Variants in ADAM12 observed in about 807,000 individuals in gnomAD.
ADAM12 encodes the protein disintegrin and metalloproteinase domain-containing protein 12.
In ADAM12, 70 loss-of-function variants were observed where a neutral mutation model predicts 106.4. That is an observed-to-expected ratio of 0.66 (90% CI 0.54 to 0.80). The LOEUF (loss-of-function observed/expected upper bound fraction) is 0.80, where lower values mean the gene tolerates loss of function less well. Ranked by LOEUF, ADAM12 falls within the 30% of genes least tolerant of loss-of-function variation. The probability of loss-of-function intolerance (pLI) is 0.00; values close to 1 mark genes in which losing one functional copy is unlikely to be tolerated. For synonymous variants in ADAM12, 420 were observed against 433.5 expected (o/e 0.97, Z 0.39); for missense variants, 1,010 against 1,171.9 (o/e 0.86, Z 2.02).
chr10:126,304,538 C>T lies in ADAM12; in HGVS notation c.187-25550G>A, dbSNP rs183354796. ...AGCAAGAAACCCACTATAAGTATAA[C>T]AATGCATATAGATTAAAACTGAAAG... On this transcript the variant is annotated intron_variant, in intron 2 of 22. Transcript: ENST00000448723. Among the ~76,000 whole-genome samples the T allele has an allele frequency of 1.6e-3, 244 of 152,054 alleles. 3 individuals carry two copies. The highest frequency in any genetic ancestry group is 5.7e-3 in the African/African-American group (236 of 41,492).
chr10:126,187,121 C>T (rs1420435187), intron 3 of ADAM12, among the ~76,000 whole-genome samples: 2 of 152,080 alleles, frequency 1.3e-5, no homozygotes, highest in African/African-American at 2.4e-5. Flanking sequence ...TTCATTCCAA[C>T]GTTTAGGTGC....
At chr10:126,156,784 G>C (rs1005534157) in intron 3 of ADAM12, among the ~76,000 whole-genome samples, 2 of 152,234 alleles carry the variant, frequency 1.3e-5, no homozygotes, top group African/African-American at 4.8e-5. Flanking sequence ...GGTGGAAGGA[G>C]AGGGGAAATC....
intron 3 of ADAM12, among the ~76,000 whole-genome samples, chr10:126,247,138 G>T (rs1021818815): frequency 5.9e-5 from 9 of 152,112 alleles, no homozygotes; most frequent in African/African-American, 2.2e-4. Flanking sequence ...ATCTGAGAGT[G>T]GTTTCTAAGA....
chr10:126,115,847 C>T (rs1955971787), intron 6 of ADAM12, among the ~76,000 whole-genome samples: 1 of 152,128 alleles, frequency 6.6e-6, no homozygotes, highest in African/African-American at 2.4e-5. Flanking sequence ...AAACAATCTA[C>T]TATATAATTC....
chr10:126,363,331 A>T (rs1177583843), intron 1 of ADAM12, among the ~76,000 whole-genome samples: 1 of 152,198 alleles, frequency 6.6e-6, no homozygotes, highest in Non-Finnish European at 1.5e-5. Flanking sequence ...AGTTTTTTAA[A>T]GCCCCAATGT....
rs1274915073 is a variant in ADAM12, at chr10:126,197,490, T to A, written c.261-42185A>T. 2.0e-5 allele frequency among the ~76,000 whole-genome samples: 3 copies of A among 152,162 alleles called. No individual in the cohort carries two copies. In the East Asian group the frequency reaches 5.8e-4, roughly 29 times the overall value. On this transcript the variant is annotated intron_variant, in intron 3 of 22. Coordinates refer to ENST00000448723, the MANE Select transcript of ADAM12 (RefSeq NM_001288973.2). ...GTGACCCTGTGGGAGAGGACAGTCG[T>A]GTGCTTCCCTCCTGGGGTTGCAGAG... is the stretch of plus-strand genomic sequence containing the variant.
chr10:126,136,638 A>G (rs575148068), intron 4 of ADAM12, among the ~76,000 whole-genome samples: 2 of 152,286 alleles, frequency 1.3e-5, no homozygotes, highest in East Asian at 3.9e-4. Context: ...TCTGCCCAAC[A>G]AAACCCACCT....
chr10:126,070,447 C>T (rs945966732), intron 12 of ADAM12: 1 of 152,212 alleles, frequency 6.6e-6, no homozygotes, highest in African/African-American at 2.4e-5. Flanking sequence ...GTATGGAAAA[C>T]CTCAGAGACT....
intron 2 of ADAM12, among the ~76,000 whole-genome samples, chr10:126,318,276 T>C (rs1853958272): frequency 6.6e-6 from 1 of 151,506 alleles, no homozygotes; most frequent in South Asian, 2.1e-4. Flanking sequence ...CCATACACTT[T>C]CACACACTCA....
At chr10:126,094,547 T>C (rs985148928) in intron 10 of ADAM12, among the ~76,000 whole-genome samples, 3 of 152,186 alleles carry the variant, frequency 2.0e-5, no homozygotes, top group African/African-American at 4.8e-5. Context: ...ATTGAGATGA[T>C]GCTGATATAA....
chr10:126,115,419 G>A (rs1282463319), intron 6 of ADAM12, among the ~76,000 whole-genome samples: 1 of 152,104 alleles, frequency 6.6e-6, no homozygotes, highest in Admixed American at 6.5e-5. Context: ...GCTTCAGGAT[G>A]GAGACTCAAA....
chr10:126,252,570 G>A (rs1958808027), intron 3 of ADAM12, among the ~76,000 whole-genome samples: 1 of 152,168 alleles, frequency 6.6e-6, no homozygotes, highest in Non-Finnish European at 1.5e-5. Flanking sequence ...GAAGATGAGT[G>A]TCCCAGCTCC....
intron 3 of ADAM12, among the ~76,000 whole-genome samples, chr10:126,254,574 G>A (rs765866457): frequency 1.1e-4 from 17 of 152,264 alleles, no homozygotes; most frequent in South Asian, 1.0e-3. Flanking sequence ...GTTACTCAGC[G>A]TCAATTCCAC....
rs542224469 is a variant in ADAM12 at position 126,306,813 on chromosome 10, C to A, written c.186+23599G>T. ...TTTTCTCTTGGACTTTGACTTTCAA[C>A]AGTTTGATTATCACGGGCTCAGATG... On this transcript the variant is annotated intron_variant, in intron 2 of 22. Transcript: ENST00000448723. Among the ~76,000 whole-genome samples the A allele has an allele frequency of 2.0e-5, 3 of 152,290 alleles. No individual in the cohort carries two copies. The East Asian group carries it at 5.8e-4, about 29-fold the overall frequency.
chr10:126,218,422 A>G (rs1031265347), intron 3 of ADAM12, among the ~76,000 whole-genome samples: 11 of 152,234 alleles, frequency 7.2e-5, no homozygotes, highest in Non-Finnish European at 1.6e-4. Flanking sequence ...CAGCTGGTGA[A>G]CAGAACAGCT....
chr10:126,260,449 C>T (rs1374548192), intron 3 of ADAM12, among the ~76,000 whole-genome samples: 1 of 152,128 alleles, frequency 6.6e-6, no homozygotes, highest in Non-Finnish European at 1.5e-5. Flanking sequence ...ATTGGAGGAA[C>T]CAATGGGCTG....
At chr10:126,020,992 CAAAA>C (rs3067295) in intron 21 of ADAM12, among the ~76,000 whole-genome samples, 166 of 98,346 alleles carry the variant, frequency 1.7e-3, no homozygotes, top group Admixed American at 6.3e-3. Context: ...GACTCTGTCT[CAAAA>C]AAAAAAAAAA....
intron 3 of ADAM12, among the ~76,000 whole-genome samples, chr10:126,226,920 G>A (rs1351888779): frequency 6.6e-6 from 1 of 152,202 alleles, no homozygotes; most frequent in Non-Finnish European, 1.5e-5. Context: ...TACTGGCCAA[G>A]TGAACCAATT....
At chr10:126,337,913 T>A (rs1854767697) in intron 1 of ADAM12, among the ~76,000 whole-genome samples, 1 of 151,930 alleles carries the variant, frequency 6.6e-6, no homozygotes, top group Non-Finnish European at 1.5e-5. Flanking sequence ...TTATTACTTT[T>A]ATGATGAAAA....
Sources: allele counts gnomAD v4.1 joint callset (sites outside exome capture counted in the v4.1 genomes callset), GRCh38; gene constraint gnomAD v4.1.1; transcripts MANE v1.5; gene names NCBI Gene and HGNC (gene_info 2026-07-23, HGNC 2026-07-21).